The following FAM186A variants were observed in gnomAD, a reference collection of about 807,000 sequenced individuals.
FAM186A encodes the protein protein FAM186A.
Under a neutral mutation model 216.8 loss-of-function variants are expected in FAM186A, and 163 were observed. The observed-to-expected ratio is 0.75, with a 90% CI of 0.66 to 0.86. The LOEUF is 0.86. Among genes scored for constraint, FAM186A ranks in the 40% least tolerant of loss-of-function variants. The probability of loss-of-function intolerance (pLI) is 0.00; values close to 1 mark genes in which losing one functional copy is unlikely to be tolerated. For synonymous variants in FAM186A, 805 were observed against 1,025.3 expected, an observed-to-expected ratio of 0.79 and a Z score of 4.10; for missense variants, 2,184 against 2,746.2, an observed-to-expected ratio of 0.80 and a Z score of 4.58.
At chr12:50,368,753 T>C (rs2136100163) in intron 1 of FAM186A, among the ~76,000 whole-genome samples, 1 of 152,140 alleles carries the variant, frequency 6.6e-6, no homozygotes, top group South Asian at 2.1e-4. Context: ...GATCCCACAT[T>C]TTCTGATTTC....
intron 1 of FAM186A, among the ~76,000 whole-genome samples, chr12:50,384,748 A>C (rs912600433): frequency 6.6e-6 from 1 of 152,208 alleles, no homozygotes; most frequent in Non-Finnish European, 1.5e-5. Flanking sequence ...CACGTACAGA[A>C]GAATGAAATT....
At chr12:50,329,810 G>A (rs1006753699) in intron 7 of FAM186A, among the ~76,000 whole-genome samples, 2 of 152,014 alleles carry the variant, frequency 1.3e-5, no homozygotes, top group Non-Finnish European at 2.9e-5. Flanking sequence ...TGGCCAGGTT[G>A]GTCTGAAACT....
At position 50,378,963 on chromosome 12, in the gene FAM186A, G is replaced by A. The variant is rs372262046; in HGVS notation, c.193-15599C>T. Among the ~76,000 whole-genome samples, 230 of 152,306 alleles carry A rather than the reference G, an allele frequency of 1.5e-3. 1 individual carries two copies. Among genetic ancestry groups the A allele is most frequent in the Middle Eastern group, 6.8e-3 (2 of 294 alleles). On this transcript the variant is annotated intron_variant, in intron 1 of 7. Transcript: ENST00000327337. ...AAATAACTTAAATGTCCATACATAG[G>A]AAAGTGGTTGAATTAACTATGGTAT... is the stretch of plus-strand genomic sequence containing the variant.
chr12:50,343,541 A>G (rs1332021298), intron 4 of FAM186A, among the ~76,000 whole-genome samples: 2 of 151,970 alleles, frequency 1.3e-5, no homozygotes, highest in Non-Finnish European at 2.9e-5. Flanking sequence ...GGCTCAAGCA[A>G]TTCTCATGCC....
intron 1 of FAM186A, among the ~76,000 whole-genome samples, chr12:50,374,853 A>G (rs142040865): frequency 9.8e-5 from 15 of 152,330 alleles, no homozygotes; most frequent in African/African-American, 3.4e-4. Flanking sequence ...ATTTACAACA[A>G]AAAGTTTGTC....
At chr12:50,363,901 TCTTAC>T (rs1943062274) in intron 1 of FAM186A, among the ~76,000 whole-genome samples, 5 of 152,160 alleles carry the variant, frequency 3.3e-5, no homozygotes, top group Admixed American at 3.3e-4. Flanking sequence ...TGCTCAAGAA[TCTTAC>T]CACTTATTAG....
intron 1 of FAM186A, among the ~76,000 whole-genome samples, chr12:50,379,471 AAC>A (rs1491011165): frequency 0.1 from 1,061 of 10,160 alleles, 15 homozygotes; most frequent in South Asian, 0.12. Context: ...AAGAGGGAAA[AAC>A]AAAAACAAAA....
At chr12:50,365,186 A>G (rs1249499659) in intron 1 of FAM186A, among the ~76,000 whole-genome samples, 1 of 152,176 alleles carries the variant, frequency 6.6e-6, no homozygotes, top group Non-Finnish European at 1.5e-5. Flanking sequence ...CTGGAACACC[A>G]CAATACCAAC....
chr12:50,334,869 A>C (rs1942692547), intron 4 of FAM186A, among the ~76,000 whole-genome samples: 1 of 152,224 alleles, frequency 6.6e-6, no homozygotes, highest in Non-Finnish European at 1.5e-5. Context: ...AGTTCCTATG[A>C]ATGAACCTTC....
intron 1 of FAM186A, among the ~76,000 whole-genome samples, chr12:50,382,382 T>C (rs868027394): frequency 9.9e-5 from 15 of 151,988 alleles, no homozygotes; most frequent in South Asian, 8.3e-4. Context: ...CACTTTAGCA[T>C]GCTTTTTAAT....
At chr12:50,386,106 G>A (rs1328312586) in intron 1 of FAM186A, among the ~76,000 whole-genome samples, 1 of 152,098 alleles carries the variant, frequency 6.6e-6, no homozygotes, top group African/African-American at 2.4e-5. Context: ...ATTGCTGAGA[G>A]GAGATATTAA....
intron 1 of FAM186A, among the ~76,000 whole-genome samples, chr12:50,369,496 C>CA (rs35493660): frequency 0.63 from 71,441 of 114,210 alleles, 21,950 homozygotes; most frequent in East Asian, 0.71. Flanking sequence ...GACTCCGTCT[C>CA]AAAAAAAAAA....
At chr12:50,367,551 G>A (rs1592622267) in intron 1 of FAM186A, among the ~76,000 whole-genome samples, 2 of 150,312 alleles carry the variant, frequency 1.3e-5, no homozygotes, top group African/African-American at 4.9e-5. Flanking sequence ...GAAATAAAAG[G>A]CACACAATTT....
intron 4 of FAM186A, among the ~76,000 whole-genome samples, chr12:50,347,512 C>G (rs1030722744): frequency 3.3e-5 from 5 of 151,958 alleles, no homozygotes; most frequent in African/African-American, 1.2e-4. Flanking sequence ...AGGTGGACCA[C>G]CTGAGGTCAG....
intron 1 of FAM186A, among the ~76,000 whole-genome samples, chr12:50,373,126 C>T (rs938048532): frequency 1.3e-5 from 2 of 151,364 alleles, no homozygotes; most frequent in African/African-American, 2.4e-5. Flanking sequence ...GGCTGGGCAA[C>T]GGTGGCTCAC....
rs1233526638 is a variant in FAM186A, at chr12:50,353,918, C to G, written c.2914G>C (p.Glu972Gln). The G allele has an allele frequency of 6.4e-7, 1 of 1,553,170 alleles. No individual in the cohort carries two copies. The highest frequency in any genetic ancestry group is 1.4e-5 in the African/African-American group (1 of 73,052). Residue 972 changes from glutamate to glutamine, a missense_variant, in exon 4 of 8, where the codon GAG becomes CAG. By Grantham distance (29) the Glu-to-Gln change is conservative. Coordinates refer to ENST00000327337, the MANE Select transcript of FAM186A (RefSeq NM_001145475.3). ...CTTTCGAGGTCCTCTAGCCCTCTCT[C>G]TGGCTTCTGCTTTTCCTTCCCTTTC... is the stretch of plus-strand genomic sequence containing the variant. ...REKGKEKQKP[E>Q]RGLEDLERQI... is the part of the protein sequence containing the mutation.
At chr12:50,338,051 T>C (rs1942727962) in intron 4 of FAM186A, among the ~76,000 whole-genome samples, 1 of 152,158 alleles carries the variant, frequency 6.6e-6, no homozygotes, top group African/African-American at 2.4e-5. Flanking sequence ...CCCACTTACG[T>C]TGATAAAACA....
In FAM186A at chr12:50,355,470, C is replaced by T. The variant is rs1000261933; in HGVS notation, c.1362G>A (p.Glu454=). ...GDFYQEDETD[E]YQSWKRSHKK... is the part of the protein sequence containing the mutation. ...TGTGGCTTCTTTTCCATGATTGATA[C>T]TCATCAGTCTCATCTTCCTGATAGA... The change falls in exon 4 of 8, where the codon GAG becomes GAA. Residue 454 remains glutamate, a synonymous_variant. Coordinates refer to ENST00000327337, the MANE Select transcript of FAM186A (RefSeq NM_001145475.3). 4.5e-6 allele frequency: 7 copies of T among 1,551,064 alleles called. No individual in the cohort carries two copies. The highest frequency in any genetic ancestry group is 4.1e-5 in the African/African-American group (3 of 73,008).
chr12:50,336,568 A>G (rs777211455), intron 4 of FAM186A, among the ~76,000 whole-genome samples: 30 of 152,100 alleles, frequency 2.0e-4, no homozygotes, highest in Admixed American at 2.0e-3. Context: ...ATCTCAGGTA[A>G]CTCTTACTTT....
Sources: allele counts gnomAD v4.1 joint callset (sites outside exome capture counted in the v4.1 genomes callset), GRCh38; gene constraint gnomAD v4.1.1; transcripts MANE v1.5; gene names NCBI Gene and HGNC (gene_info 2026-07-23, HGNC 2026-07-21).